Variants in PCDH7 observed in about 807,000 individuals in gnomAD.
PCDH7 encodes protocadherin 7.
Under a neutral mutation model 58.9 loss-of-function variants are expected in PCDH7, and 17 were observed. The ratio of observed to expected loss-of-function variants is 0.29; its 90% CI spans 0.20 to 0.43. The LOEUF (loss-of-function observed/expected upper bound fraction) is 0.43, where lower values mean the gene tolerates loss of function less well. Among genes scored for constraint, PCDH7 ranks in the 20% least tolerant of loss-of-function variants. The probability of loss-of-function intolerance (pLI) is 1.00; values close to 1 mark genes in which losing one functional copy is unlikely to be tolerated. For missense variants in PCDH7, 1,274 were observed against 1,441.0 expected (o/e 0.88, Z 1.88); for synonymous variants, 664 against 616.4 (o/e 1.08, Z -1.14).
intron 3 of PCDH7, among the ~76,000 whole-genome samples, chr4:31,135,645 A>G (rs1461340290): frequency 1.3e-5 from 2 of 152,192 alleles, no homozygotes; most frequent in Non-Finnish European, 2.9e-5. Flanking sequence ...AATCCTTCAT[A>G]TGTTATAAGA....
intron 1 of PCDH7, among the ~76,000 whole-genome samples, chr4:30,756,382 T>C (rs567535188): frequency 2.0e-5 from 3 of 151,878 alleles, no homozygotes; most frequent in Non-Finnish European, 4.4e-5. Context: ...ACAAACCAAC[T>C]ATGTCCAAAT....
At chr4:30,829,864 GGACCAC>G (rs1444262090) in intron 1 of PCDH7, among the ~76,000 whole-genome samples, 3 of 152,010 alleles carry the variant, frequency 2.0e-5, no homozygotes, top group Non-Finnish European at 2.9e-5. Context: ...GTTGTTATAT[GGACCAC>G]TTTATAGCCC....
intron 1 of PCDH7, among the ~76,000 whole-genome samples, chr4:30,835,933 C>A (rs1346284514): frequency 1.3e-5 from 2 of 152,050 alleles, no homozygotes; most frequent in Non-Finnish European, 2.9e-5. Flanking sequence ...GAAAAAGAAG[C>A]CTTATTTAGC....
chr4:30,817,481 A>G (rs867773410), intron 1 of PCDH7, among the ~76,000 whole-genome samples: 2 of 152,234 alleles, frequency 1.3e-5, no homozygotes, highest in African/African-American at 2.4e-5. Context: ...TTGTCTGCAT[A>G]TATCTGTTCT....
intron 3 of PCDH7, among the ~76,000 whole-genome samples, chr4:31,031,406 T>C (rs756149228): frequency 6.6e-6 from 1 of 152,136 alleles, no homozygotes; most frequent in Admixed American, 6.5e-5. Context: ...AAAGAATCAT[T>C]TCAAGTAGAA....
At chr4:30,916,238 C>A (rs923539802) in intron 1 of PCDH7, among the ~76,000 whole-genome samples, 1 of 152,180 alleles carries the variant, frequency 6.6e-6, no homozygotes, top group Non-Finnish European at 1.5e-5. Context: ...CCTTACCTCT[C>A]GCTAGGTAAA....
At chr4:30,832,928 G>A (rs1282308260) in intron 1 of PCDH7, among the ~76,000 whole-genome samples, 1 of 151,994 alleles carries the variant, frequency 6.6e-6, no homozygotes, top group Non-Finnish European at 1.5e-5. Context: ...GTCACAGAAG[G>A]CAGGCTAATT....
chr4:30,737,073 G>C (rs1461301588), downstream of PCDH7, among the ~76,000 whole-genome samples: 1 of 152,172 alleles, frequency 6.6e-6, no homozygotes, highest in African/African-American at 2.4e-5. Flanking sequence ...AAAGCTGGAT[G>C]AGGGAATCTA....
Position 31,009,122 on chromosome 4 carries a change from G to A in PCDH7, c.*7+58907G>A, listed in dbSNP as rs562966077. 2.6e-4 allele frequency among the ~76,000 whole-genome samples: 40 copies of A among 152,116 alleles called. No homozygotes were observed. The South Asian group carries it at 3.9e-3, about 15-fold the overall frequency. ...CAATTTTCTATAACACTTGGTCTGC[G>A]TAATTAAAATGTAAAATAATATTAA... is the stretch of plus-strand genomic sequence containing the variant. On this transcript the variant is annotated intron_variant, in intron 3 of 3. Coordinates refer to the PCDH7 transcript ENST00000509759.
intron 3 of PCDH7, among the ~76,000 whole-genome samples, chr4:31,085,083 A>T (rs979136272): frequency 2.0e-5 from 3 of 152,158 alleles, no homozygotes; most frequent in African/African-American, 7.2e-5. Context: ...TATTACTCAA[A>T]TCAGTCTTCC....
intron 1 of PCDH7, among the ~76,000 whole-genome samples, chr4:30,907,804 T>G (rs975734046): frequency 3.3e-5 from 5 of 152,186 alleles, no homozygotes; most frequent in African/African-American, 1.2e-4. Context: ...TGCACACGTA[T>G]GTTTATTGCG....
At chr4:30,904,809 G>C (rs1262531619) in intron 1 of PCDH7, among the ~76,000 whole-genome samples, 1 of 152,184 alleles carries the variant, frequency 6.6e-6, no homozygotes, top group Non-Finnish European at 1.5e-5. Context: ...CACCTGTGTA[G>C]TAAAAGGTTT....
chr4:30,860,218 G>C (rs1211780002), intron 1 of PCDH7, among the ~76,000 whole-genome samples: 1 of 152,042 alleles, frequency 6.6e-6, no homozygotes, highest in Non-Finnish European at 1.5e-5. Flanking sequence ...GGAGCACCAG[G>C]TCTCTCTCTG....
intron 3 of PCDH7, among the ~76,000 whole-genome samples, chr4:31,013,934 T>C (rs1753409233): frequency 6.6e-6 from 1 of 152,198 alleles, no homozygotes; most frequent in Admixed American, 6.6e-5. Context: ...GATTTCCAGC[T>C]TAGGCTATGA....
At chr4:30,923,592 G>A (rs892268036) in intron 2 of PCDH7, among the ~76,000 whole-genome samples, 3 of 151,940 alleles carry the variant, frequency 2.0e-5, no homozygotes, top group African/African-American at 4.8e-5. Context: ...CTTACCACCG[G>A]AATCTAATAA....
At chr4:31,056,517 G>GAAAGAAAGAAAC (rs1491230659) in intron 3 of PCDH7, among the ~76,000 whole-genome samples, 2 of 95,038 alleles carry the variant, frequency 2.1e-5, no homozygotes, top group Non-Finnish European at 4.3e-5. Flanking sequence ...AAGAAAGAAA[G>GAAAGAAAGAAAC]GGGAAGGGAA....
At chr4:31,064,663 GTTCACCCTGTGT>G (rs1337657811) in intron 3 of PCDH7, among the ~76,000 whole-genome samples, 1 of 151,850 alleles carries the variant, frequency 6.6e-6, no homozygotes, top group African/African-American at 2.4e-5. Context: ...CTCACGTGAT[GTTCACCCTGTGT>G]TTCTGTCTTC....
At chr4:31,143,267 TC>T (rs1401841931), downstream of PCDH7, 2 of 158,054 alleles carry the variant, frequency 1.3e-5, no homozygotes, top group African/African-American at 4.8e-5. Context: ...TGTTCGAGTG[TC>T]ATCTGGCTGG....
intron 1 of PCDH7, among the ~76,000 whole-genome samples, chr4:30,749,921 T>A (rs1316976706): frequency 1.3e-5 from 2 of 152,194 alleles, no homozygotes; most frequent in Non-Finnish European, 2.9e-5. Context: ...CATTTTCTAA[T>A]CTGTAAAAAT....
Sources: gnomAD v4.1 joint callset for allele counts (sites outside exome capture counted in the v4.1 genomes callset) on GRCh38, gnomAD v4.1.1 for gene constraint, MANE v1.5 for transcripts, NCBI Gene and HGNC (gene_info 2026-07-23, HGNC 2026-07-21) for gene names.